CDH12: variants seen among roughly 807,000 people sequenced by gnomAD.
CDH12 encodes the protein cadherin 12.
A neutral mutation model predicts 74.1 loss-of-function variants in CDH12; 41 were observed. That is an observed-to-expected ratio of 0.55 (90% CI 0.43 to 0.72). CDH12 has a LOEUF of 0.72. Ranked by LOEUF, CDH12 falls within the 30% of genes least tolerant of loss-of-function variation. The pLI is 0.00. For missense variants in CDH12, 945 were observed against 977.2 expected (o/e 0.97, Z 0.44); for synonymous variants, 399 against 355.0 (o/e 1.12, Z -1.39).
chr5:21,804,345 AG>A (rs1488575036), intron 9 of CDH12, among the ~76,000 whole-genome samples: 1 of 152,166 alleles, frequency 6.6e-6, no homozygotes, highest in Non-Finnish European at 1.5e-5. Flanking sequence ...ATCAGCCTAA[AG>A]CTTGAATACT....
intron 4 of CDH12, among the ~76,000 whole-genome samples, chr5:22,207,009 C>A (rs1258079604): frequency 2.6e-5 from 4 of 150,968 alleles, no homozygotes; most frequent in Non-Finnish European, 5.9e-5. Context: ...GTCAGGAGAT[C>A]CAGACCATCC....
intron 4 of CDH12, among the ~76,000 whole-genome samples, chr5:22,104,216 C>A (rs1426474838): frequency 1.3e-5 from 2 of 151,986 alleles, no homozygotes; most frequent in African/African-American, 4.8e-5. Flanking sequence ...TCTGTTATAG[C>A]CATAATGTAT....
intron 3 of CDH12, among the ~76,000 whole-genome samples, chr5:22,370,214 A>G (rs1025824013): frequency 6.6e-6 from 1 of 152,204 alleles, no homozygotes; most frequent in Non-Finnish European, 1.5e-5. Flanking sequence ...CTGGAAGATC[A>G]TATTTCCTTT....
intron 4 of CDH12, among the ~76,000 whole-genome samples, chr5:22,084,896 C>A (rs1224613686): frequency 6.6e-6 from 1 of 152,138 alleles, no homozygotes; most frequent in Non-Finnish European, 1.5e-5. Flanking sequence ...GGTATACTTG[C>A]CCCAGCACCA....
At chr5:22,592,529 T>C (rs746275499) in intron 1 of CDH12, among the ~76,000 whole-genome samples, 7 of 152,298 alleles carry the variant, frequency 4.6e-5, no homozygotes, top group Non-Finnish European at 8.8e-5. Flanking sequence ...TTTCTCTTTC[T>C]CCTCCTATTG....
chr5:22,439,419 A>T (rs1744533200), intron 2 of CDH12, among the ~76,000 whole-genome samples: 1 of 152,118 alleles, frequency 6.6e-6, no homozygotes, highest in African/African-American at 2.4e-5. Flanking sequence ...TGACCCATAA[A>T]TGTCACCAAT....
chr5:22,609,203 C>T (rs1009155393), intron 1 of CDH12, among the ~76,000 whole-genome samples: 4 of 152,136 alleles, frequency 2.6e-5, no homozygotes, highest in Non-Finnish European at 5.9e-5. Context: ...GTAAGGAATG[C>T]AATGGAACCC....
intron 4 of CDH12, among the ~76,000 whole-genome samples, chr5:22,180,737 G>A (rs1175418223): frequency 1.3e-5 from 2 of 151,968 alleles, no homozygotes; most frequent in Non-Finnish European, 2.9e-5. Context: ...CTGACCTCAA[G>A]TGATCTGTCT....
chr5:22,739,639 A>G (rs1744919919), intron 1 of CDH12, among the ~76,000 whole-genome samples: 14 of 152,082 alleles, frequency 9.2e-5, no homozygotes, highest in Admixed American at 8.5e-4. Flanking sequence ...TATAGGTACT[A>G]TGCTGTAGAA....
chr5:22,051,772 T>C (rs1015815728), intron 5 of CDH12, among the ~76,000 whole-genome samples: 4 of 151,908 alleles, frequency 2.6e-5, no homozygotes, highest in Admixed American at 2.6e-4. Context: ...CTTGCGAAGC[T>C]TAATCAAACT....
intron 1 of CDH12, among the ~76,000 whole-genome samples, chr5:22,777,816 T>G (rs1398557632): frequency 6.6e-6 from 1 of 152,136 alleles, no homozygotes; most frequent in Non-Finnish European, 1.5e-5. Context: ...GCCATAAATA[T>G]ATCAATATTT....
At chr5:22,629,258 C>T (rs1393222351) in intron 1 of CDH12, among the ~76,000 whole-genome samples, 1 of 151,850 alleles carries the variant, frequency 6.6e-6, no homozygotes, top group Non-Finnish European at 1.5e-5. Flanking sequence ...TCTGAGGTCA[C>T]CATCTTTCTG....
At chr5:21,824,104 C>T (rs1418233836) in intron 8 of CDH12, among the ~76,000 whole-genome samples, 1 of 152,096 alleles carries the variant, frequency 6.6e-6, no homozygotes, top group Non-Finnish European at 1.5e-5. Context: ...GACTTCTCCC[C>T]TTGGCCACCC....
intron 3 of CDH12, among the ~76,000 whole-genome samples, chr5:22,358,699 T>C (rs1740670067): frequency 6.6e-6 from 1 of 152,176 alleles, no homozygotes; most frequent in African/African-American, 2.4e-5. Context: ...ACAGAGAAAG[T>C]TCATGTAGAG....
intron 4 of CDH12, among the ~76,000 whole-genome samples, chr5:22,201,582 G>C (rs894536068): frequency 6.6e-6 from 1 of 152,092 alleles, no homozygotes; most frequent in African/African-American, 2.4e-5. Context: ...TATATTATTT[G>C]AGTGATGGAT....
chr5:22,485,248 A>G (rs1249968831), intron 2 of CDH12, among the ~76,000 whole-genome samples: 1 of 152,010 alleles, frequency 6.6e-6, no homozygotes, highest in Non-Finnish European at 1.5e-5. Flanking sequence ...GTGGCCTCAT[A>G]TTAGTTCACT....
At chr5:22,405,776 T>C (rs1742915275) in intron 2 of CDH12, among the ~76,000 whole-genome samples, 1 of 152,184 alleles carries the variant, frequency 6.6e-6, no homozygotes, top group Non-Finnish European at 1.5e-5. Context: ...GTTACAGTCG[T>C]CCCTCAGGAT....
At chr5:22,387,324 T>C (rs1159390047) in intron 3 of CDH12, among the ~76,000 whole-genome samples, 1 of 152,292 alleles carries the variant, frequency 6.6e-6, no homozygotes, top group South Asian at 2.1e-4. Flanking sequence ...AAGTAATGTG[T>C]TATTAATTTT....
intron 1 of CDH12, among the ~76,000 whole-genome samples, chr5:22,684,230 A>C (rs1009442176): frequency 6.6e-6 from 1 of 152,200 alleles, no homozygotes; most frequent in Non-Finnish European, 1.5e-5. Context: ...ATTTTGATTC[A>C]GGCATGCAAT....
Sources: allele counts gnomAD v4.1 joint callset (sites outside exome capture counted in the v4.1 genomes callset), GRCh38; gene constraint gnomAD v4.1.1; transcripts MANE v1.5; gene names NCBI Gene and HGNC (gene_info 2026-07-23, HGNC 2026-07-21).